RMRP: variants seen among roughly 807,000 people sequenced by gnomAD.
The protein encoded by RMRP is RNase MRP RNA.
exon 1 of RMRP, chr9:35,657,883 G>C: frequency 1.4e-6 from 1 of 695,536 alleles, no homozygotes; most frequent in South Asian, 1.5e-5. Flanking sequence ...GGACTTTGGA[G>C]TGGGAAGCGG....
At chr9:35,658,019 A>G (rs188190570), upstream of RMRP, 609 of 690,032 alleles carry the variant, frequency 8.8e-4, no homozygotes, top group African/African-American at 7.3e-3. Flanking sequence ...AGCACGAACC[A>G]CGTCCTCAGC....
rs1823624249 is a variant in RMRP at position 35,657,963 on chromosome 9, G to GGGGAGGAACAGAGTC, written n.40_54dup. 3 of 700,288 alleles carry GGGGAGGAACAGAGTC rather than the reference G, an allele frequency of 4.3e-6. No homozygotes were observed. The highest frequency in any genetic ancestry group is 7.8e-6 in the Non-Finnish European group (3 of 384,814). 43.4% of individuals were successfully genotyped at this position (700,288 alleles called of 1,614,324 possible). A position where few individuals can be genotyped will look rare whatever the true frequency, so the allele number is the denominator to read the frequency against. On this transcript the variant is annotated non_coding_transcript_exon_variant, in exon 1 of 1. Transcript: ENST00000363046. ...CCGGGGACTTTCCCCTAGGCGGAAA[G>GGGGAGGAACAGAGTC]GGGAGGAACAGAGTCCTCAGTGTGT...
At chr9:35,657,833 G>C (rs1051076135) in exon 1 of RMRP, 1 of 693,184 alleles carries the variant, frequency 1.4e-6, no homozygotes, top group Non-Finnish European at 2.6e-6. Context: ...GACGGATGAC[G>C]CCCCCGCGCC....
rs765138079 is a variant in RMRP at position 35,657,884 on chromosome 9, T to C, written n.134A>G. 3 of 694,780 alleles carry C rather than the reference T, an allele frequency of 4.3e-6. No individual in the cohort carries two copies. The highest frequency in any genetic ancestry group is 1.9e-5 in the African/African-American group (1 of 52,624). 43.0% of individuals were successfully genotyped at this position (694,780 alleles called of 1,614,324 possible). A position where few individuals can be genotyped will look rare whatever the true frequency, so the allele number is the denominator to read the frequency against. ...ATACGCTTCTTGGCGGACTTTGGAG[T>C]GGGAAGCGGGGAATGTCTACGTGCG... On this transcript the variant is annotated non_coding_transcript_exon_variant, in exon 1 of 1. Transcript: ENST00000363046.
chr9:35,657,787 C>A lies in RMRP; in HGVS notation n.231G>T, dbSNP rs774897161. On this transcript the variant is annotated non_coding_transcript_exon_variant, in exon 1 of 1. Coordinates refer to ENST00000363046, the Ensembl canonical transcript of RMRP. ...GAGAATGAGCCCCGTGTGGTTGGTG[C>A]GCGGACACGCACTGCCTGCGTAACT... is the stretch of plus-strand genomic sequence containing the variant. 1.4e-6 allele frequency: 1 copy of A among 697,676 alleles called. No homozygotes were observed. The highest frequency in any genetic ancestry group is 2.6e-6 in the Non-Finnish European group (1 of 382,528). 43.2% of individuals were successfully genotyped at this position (697,676 alleles called of 1,614,324 possible).
exon 1 of RMRP, chr9:35,657,994 A>G (rs1260313123): frequency 1.4e-6 from 1 of 699,116 alleles, no homozygotes; most frequent in Non-Finnish European, 2.6e-6. Context: ...TGTGTAGCCT[A>G]GGATACAGGC....
At position 35,657,859 on chromosome 9, in the gene RMRP, A is replaced by G. The variant is rs754810221; in HGVS notation, n.159T>C. ...CCCCCGCGCCACGCCGCTCAGCGGG[A>G]TACGCTTCTTGGCGGACTTTGGAGT... On this transcript the variant is annotated non_coding_transcript_exon_variant, in exon 1 of 1. Transcript: ENST00000363046. 2.2e-5 allele frequency: 15 copies of G among 694,272 alleles called. No homozygotes were observed. The highest frequency in any genetic ancestry group is 1.9e-4 in the South Asian group (13 of 67,516). The allele number at this position is 694,272 out of a possible 1,614,324, so 43.0% of individuals were successfully genotyped here.
At chr9:35,657,910 T>A in exon 1 of RMRP, 1 of 699,614 alleles carries the variant, frequency 1.4e-6, no homozygotes, top group Non-Finnish European at 2.6e-6. Context: ...TCTACGTGCG[T>A]ATGCACGTGG....
At position 35,658,015 on chromosome 9, in the gene RMRP, A is replaced by AACCACGTCCTCAGCTTCACAGAGTAGT; in HGVS notation, n.2_3insACTACTCTGTGAAGCTGAGGACGTGGT. On this transcript the variant is annotated non_coding_transcript_exon_variant, in exon 1 of 1. Coordinates refer to ENST00000363046, the Ensembl canonical transcript of RMRP. ...GCCTAGGATACAGGCCTTCAGCACG[A>AACCACGTCCTCAGCTTCACAGAGTAGT]ACCACGTCCTCAGCTTCACAGAGTA... 1.4e-6 allele frequency: 1 copy of AACCACGTCCTCAGCTTCACAGAGTAGT among 690,938 alleles called. No individual in the cohort carries two copies. The allele number at this position is 690,938 out of a possible 1,614,324, so 42.8% of individuals were successfully genotyped here. A position where few individuals can be genotyped will look rare whatever the true frequency, so the allele number is the denominator to read the frequency against.
At chr9:35,657,961 A>G (rs902342946) in exon 1 of RMRP, 5 of 700,242 alleles carry the variant, frequency 7.1e-6, no homozygotes, top group Admixed American at 2.0e-5. Flanking sequence ...CCTAGGCGGA[A>G]AGGGGAGGAA....
exon 1 of RMRP, chr9:35,657,940 G>C: frequency 1.4e-6 from 1 of 700,430 alleles, no homozygotes; most frequent in Non-Finnish European, 2.6e-6. Context: ...CCCGAGGTCC[G>C]GGGACTTTCC....
At chr9:35,657,987 G>C in exon 1 of RMRP, 1 of 700,364 alleles carries the variant, frequency 1.4e-6, no homozygotes, top group Non-Finnish European at 2.6e-6. Flanking sequence ...TCCTCAGTGT[G>C]TAGCCTAGGA....
At position 35,657,855 on chromosome 9, in the gene RMRP, C is replaced by G. The variant is rs1405507797; in HGVS notation, n.163G>C. 1.4e-6 allele frequency: 1 copy of G among 693,938 alleles called. No homozygotes were observed. The allele number at this position is 693,938 out of a possible 1,614,324, so 43.0% of individuals were successfully genotyped here. ...GACGCCCCCGCGCCACGCCGCTCAG[C>G]GGGATACGCTTCTTGGCGGACTTTG... is the stretch of plus-strand genomic sequence containing the variant. On this transcript the variant is annotated non_coding_transcript_exon_variant, in exon 1 of 1. Transcript: ENST00000363046.
At chr9:35,658,019 A>ACGTCCTCAGCTTCAC (rs937585109), upstream of RMRP, 2 of 689,916 alleles carry the variant, frequency 2.9e-6, no homozygotes, top group African/African-American at 1.8e-5. Flanking sequence ...AGCACGAACC[A>ACGTCCTCAGCTTCAC]CGTCCTCAGC....
chr9:35,657,839 G>C lies in RMRP; in HGVS notation n.179C>G, dbSNP rs188907984. 19 of 693,396 alleles carry C rather than the reference G, an allele frequency of 2.7e-5. No individual in the cohort carries two copies. Among genetic ancestry groups the C allele is most frequent in the Admixed American group, 2.0e-4 (10 of 49,602 alleles). The allele number at this position is 693,396 out of a possible 1,614,324, so 43.0% of individuals were successfully genotyped here. A position where few individuals can be genotyped will look rare whatever the true frequency, so the allele number is the denominator to read the frequency against. On this transcript the variant is annotated non_coding_transcript_exon_variant, in exon 1 of 1. Transcript: ENST00000363046. Reference sequence around the variant, plus strand: ...GAGGGAGCTGACGGATGACGCCCCCGCGCCACGCCGCTCAGCGGGATACGC... The same window carrying C: ...GAGGGAGCTGACGGATGACGCCCCCCCGCCACGCCGCTCAGCGGGATACGC...
exon 1 of RMRP, chr9:35,657,980 T>TA: frequency 1.4e-6 from 1 of 700,464 alleles, no homozygotes; most frequent in Non-Finnish European, 2.6e-6. Flanking sequence ...AACAGAGTCC[T>TA]CAGTGTGTAG....
rs1275182876 is a variant in RMRP at position 35,657,898 on chromosome 9, T to TA, written n.119_120insT. The TA allele has an allele frequency of 1.4e-5, 10 of 697,626 alleles. No homozygotes were observed. The highest frequency in any genetic ancestry group is 1.1e-4 in the East Asian group (4 of 37,286). The allele number at this position is 697,626 out of a possible 1,614,324, so 43.2% of individuals were successfully genotyped here. On this transcript the variant is annotated non_coding_transcript_exon_variant, in exon 1 of 1. Transcript: ENST00000363046. ...GGACTTTGGAGTGGGAAGCGGGGAATGTCTACGTGCGTATGCACGTGGCAC... is the reference window on the plus strand; with the variant it reads ...GGACTTTGGAGTGGGAAGCGGGGAATAGTCTACGTGCGTATGCACGTGGCAC...
rs1380611840 is a variant in RMRP, at chr9:35,657,899, GTC to G, written n.117_118del. 1.1e-5 allele frequency: 8 copies of G among 698,010 alleles called. No individual in the cohort carries two copies. The highest frequency in any genetic ancestry group is 1.8e-5 in the Non-Finnish European group (7 of 384,788). The allele number at this position is 698,010 out of a possible 1,614,324, so 43.2% of individuals were successfully genotyped here. On this transcript the variant is annotated non_coding_transcript_exon_variant, in exon 1 of 1. Transcript: ENST00000363046. Reference sequence around the variant, plus strand: ...GACTTTGGAGTGGGAAGCGGGGAATGTCTACGTGCGTATGCACGTGGCACTCT... The same window carrying G: ...GACTTTGGAGTGGGAAGCGGGGAATGTACGTGCGTATGCACGTGGCACTCT...
chr9:35,657,863 G>T (rs149105942), exon 1 of RMRP: 2 of 693,348 alleles, frequency 2.9e-6, no homozygotes, highest in African/African-American at 1.9e-5. Flanking sequence ...AGCGGGATAC[G>T]CTTCTTGGCG....
Sources: gnomAD v4.1 joint callset for allele counts on GRCh38, gnomAD v4.1.1 for gene constraint, MANE v1.5 for transcripts, NCBI Gene and HGNC (gene_info 2026-07-23, HGNC 2026-07-21) for gene names.